The following DCDC2 variants were observed in gnomAD, a reference collection of about 807,000 sequenced individuals.
The protein encoded by DCDC2 is doublecortin domain containing 2, also known as doublecortin domain-containing protein 2.
A neutral mutation model predicts 50.2 loss-of-function variants in DCDC2; 40 were observed. The observed-to-expected ratio is 0.80, with a 90% CI of 0.62 to 1.04. The LOEUF (loss-of-function observed/expected upper bound fraction) is 1.04. Ranked by LOEUF, DCDC2 falls within the 50% of genes least tolerant of loss-of-function variation. The probability of loss-of-function intolerance (pLI) is 0.00; values close to 1 mark genes in which losing one functional copy is unlikely to be tolerated. For missense variants in DCDC2, 570 were observed against 581.9 expected, an observed-to-expected ratio of 0.98 and a Z score of 0.21; for synonymous variants, 234 against 210.6, an observed-to-expected ratio of 1.11 and a Z score of -0.96.
At chr6:24,359,134 TA>T (rs1760580034), upstream of DCDC2, among the ~76,000 whole-genome samples, 1 of 69,194 alleles carries the variant, frequency 1.4e-5, no homozygotes, top group Admixed American at 2.8e-4. Context: ...TTATATATTT[TA>T]TATATATTAT....
At chr6:24,281,160 T>G (rs1168572760) in intron 6 of DCDC2, among the ~76,000 whole-genome samples, 1 of 152,126 alleles carries the variant, frequency 6.6e-6, no homozygotes, top group Non-Finnish European at 1.5e-5. Flanking sequence ...AAGGGTAATT[T>G]TGGAGTATCA....
the DCDC2 span, among the ~76,000 whole-genome samples, chr6:24,371,079 C>T: frequency 3.3e-5 from 5 of 151,860 alleles, no homozygotes; most frequent in East Asian, 3.9e-4. Flanking sequence ...AGTTCAAGAC[C>T]AGTCTAGCCA....
At chr6:24,331,133 T>C (rs1177733344) in intron 2 of DCDC2, among the ~76,000 whole-genome samples, 1 of 152,144 alleles carries the variant, frequency 6.6e-6, no homozygotes, top group Non-Finnish European at 1.5e-5. Flanking sequence ...ATAAAATCTT[T>C]CCTATCTAAC....
chr6:24,209,712 G>A (rs1705222998), intron 7 of DCDC2, among the ~76,000 whole-genome samples: 1 of 152,152 alleles, frequency 6.6e-6, no homozygotes, highest in African/African-American at 2.4e-5. Context: ...ATTGGGCACA[G>A]CAAGTATAAT....
At chr6:24,218,533 C>T (rs57440601) in intron 7 of DCDC2, among the ~76,000 whole-genome samples, 12,010 of 152,254 alleles carry the variant, frequency 0.079, 766 homozygotes, top group African/African-American at 0.17. Flanking sequence ...CACTCTGTCA[C>T]CAGGGCTTGA....
rs1049870059 is a variant in DCDC2, at chr6:24,313,632, G to A, written c.349-11588C>T. ...ATGCTGAGTATGCAGCGGGCAGCCC[G>A]TGTGGGCGGGTGCAGCTTCCACCTG... On this transcript the variant is annotated intron_variant, in intron 2 of 9. Transcript: ENST00000378454. Among the ~76,000 whole-genome samples, 7 of 152,316 alleles carry A rather than the reference G, an allele frequency of 4.6e-5. No homozygotes were observed. In the South Asian group the frequency reaches 8.3e-4, roughly 18 times the overall value.
intron 7 of DCDC2, among the ~76,000 whole-genome samples, chr6:24,271,707 AC>A (rs2113814083): frequency 6.6e-6 from 1 of 152,334 alleles, no homozygotes; most frequent in South Asian, 2.1e-4. Context: ...CACTGGAAAC[AC>A]CATTGTACAC....
rs1401569456 is a variant in DCDC2, at chr6:24,341,371, G to A, written c.348+12198C>T. 2.0e-5 allele frequency among the ~76,000 whole-genome samples: 3 copies of A among 152,130 alleles called. No individual in the cohort carries two copies. In the East Asian group the frequency reaches 5.8e-4, roughly 29 times the overall value. The stretch of plus-strand genomic sequence containing the variant: ...ACTATGTAATCATGGGATGACATCT[G>A]AGTTTGATCTGGCTGGCTGCTTATA... On this transcript the variant is annotated intron_variant, in intron 2 of 9. Coordinates refer to ENST00000378454, the MANE Select transcript of DCDC2 (RefSeq NM_016356.5).
At chr6:24,184,172 A>C (rs1761142478) in intron 8 of DCDC2, among the ~76,000 whole-genome samples, 1 of 152,176 alleles carries the variant, frequency 6.6e-6, no homozygotes, top group Non-Finnish European at 1.5e-5. Flanking sequence ...TCTTTCCTTA[A>C]ATTAATAACC....
At chr6:24,350,562 T>C (rs542878752) in intron 2 of DCDC2, among the ~76,000 whole-genome samples, 107 of 152,242 alleles carry the variant, frequency 7.0e-4, no homozygotes, top group Middle Eastern at 3.4e-3. Context: ...CAAAATTACC[T>C]TAGATTTGAA....
In DCDC2 at chr6:24,205,013, G is replaced by A; in HGVS notation, c.1012C>T (p.Pro338Ser). Reference sequence around the variant, plus strand: ...GGCATGGAGATTACCTGATCGACTGGAACCTCAACCTGAGTATCTTCATCT... The same window carrying A: ...GGCATGGAGATTACCTGATCGACTGAAACCTCAACCTGAGTATCTTCATCT... ...QEDEDTQVEV[P>S]VDQRPAEIVD... The change falls in exon 8 of 10, where the codon CCA (proline) becomes TCA (serine). Residue 338 changes from proline (P) to serine (S), a missense_variant. Coordinates refer to ENST00000378454, the MANE Select transcript of DCDC2 (RefSeq NM_016356.5). 6.2e-7 allele frequency: 1 copy of A among 1,613,512 alleles called. No individual in the cohort carries two copies. Among genetic ancestry groups the A allele is most frequent in the Non-Finnish European group, 8.5e-7 (1 of 1,179,688 alleles).
chr6:24,221,642 T>C (rs1437500989), intron 7 of DCDC2, among the ~76,000 whole-genome samples: 2 of 152,190 alleles, frequency 1.3e-5, no homozygotes, highest in Non-Finnish European at 2.9e-5. Context: ...GAAAGCAACC[T>C]AGTTTTGTTT....
intron 7 of DCDC2, among the ~76,000 whole-genome samples, chr6:24,219,960 A>G (rs913695613): frequency 6.6e-6 from 1 of 152,244 alleles, no homozygotes; most frequent in Admixed American, 6.5e-5. Flanking sequence ...ATGGCATTCT[A>G]AGAAATAAAG....
At chr6:24,321,802 G>A (rs1034130589) in intron 2 of DCDC2, among the ~76,000 whole-genome samples, 10 of 152,164 alleles carry the variant, frequency 6.6e-5, no homozygotes, top group African/African-American at 1.2e-4. Flanking sequence ...GACATGAGAC[G>A]TTTGTTTCTC....
intron 2 of DCDC2, among the ~76,000 whole-genome samples, chr6:24,307,367 C>T (rs944063149): frequency 6.6e-6 from 1 of 152,138 alleles, no homozygotes; most frequent in African/African-American, 2.4e-5. Context: ...TTTTCAATAA[C>T]TTTAAAAAAT....
chr6:24,241,887 T>C (rs1762569608), intron 7 of DCDC2, among the ~76,000 whole-genome samples: 2 of 152,188 alleles, frequency 1.3e-5, no homozygotes, highest in African/African-American at 4.8e-5. Flanking sequence ...CAAAAAGAAA[T>C]CAGGCCAGGT....
intron 9 of DCDC2, among the ~76,000 whole-genome samples, chr6:24,177,316 T>C (rs754955937): frequency 4.6e-5 from 7 of 152,220 alleles, no homozygotes; most frequent in Non-Finnish European, 1.0e-4. Context: ...ATATAGTGGA[T>C]TGCAGATAAC....
chr6:24,347,931 A>C (rs1760298392), intron 2 of DCDC2, among the ~76,000 whole-genome samples: 1 of 152,220 alleles, frequency 6.6e-6, no homozygotes, highest in Non-Finnish European at 1.5e-5. Flanking sequence ...ATCTACTTAA[A>C]TTGGCCCAAA....
chr6:24,193,470 G>A (rs2113752665), intron 8 of DCDC2, among the ~76,000 whole-genome samples: 1 of 152,294 alleles, frequency 6.6e-6, no homozygotes, highest in East Asian at 1.9e-4. Flanking sequence ...CAGTATCACT[G>A]AATGTATGTG....
Sources: gnomAD v4.1 joint callset for allele counts (sites outside exome capture counted in the v4.1 genomes callset) on GRCh38, gnomAD v4.1.1 for gene constraint, MANE v1.5 for transcripts, NCBI Gene and HGNC (gene_info 2026-07-23, HGNC 2026-07-21) for gene names.